Variants in AHI1 observed in about 807,000 individuals in gnomAD.
AHI1 encodes the protein jouberin.
AHI1 carries 123 observed loss-of-function variants against 149.3 expected under a neutral mutation model. The ratio of observed to expected loss-of-function variants is 0.82; its 90% confidence interval spans 0.71 to 0.96. The LOEUF (loss-of-function observed/expected upper bound fraction) is 0.96. AHI1 is among the 40% of genes least tolerant of loss of function. The pLI is 0.00. For missense variants in AHI1, 1,439 were observed against 1,422.7 expected (o/e 1.01, Z -0.18); for synonymous variants, 475 against 459.8 (o/e 1.03, Z -0.42).
At chr6:135,374,085 T>C (rs1366568193) in intron 23 of AHI1, among the ~76,000 whole-genome samples, 6 of 37,926 alleles carry the variant, frequency 1.6e-4, no homozygotes, top group Non-Finnish European at 2.0e-4. Flanking sequence ...TATATACATA[T>C]ATATATATAT....
intron 12 of AHI1, among the ~76,000 whole-genome samples, chr6:135,447,628 C>T (rs1787448741): frequency 1.3e-5 from 2 of 152,128 alleles, no homozygotes; most frequent in African/African-American, 2.4e-5. Flanking sequence ...AGCTACAGAA[C>T]GTGCAAATGA....
intron 25 of AHI1, among the ~76,000 whole-genome samples, chr6:135,320,031 A>G (rs1049773944): frequency 6.6e-6 from 1 of 152,238 alleles, no homozygotes; most frequent in East Asian, 1.9e-4. Flanking sequence ...GGCTTCAGAT[A>G]AAGATCAAGG....
chr6:135,460,248 A>C (rs183011411), intron 8 of AHI1, among the ~76,000 whole-genome samples: 1 of 152,298 alleles, frequency 6.6e-6, no homozygotes, highest in African/African-American at 2.4e-5. Context: ...CACAATGTTA[A>C]AAAATTTTAA....
At chr6:135,311,244 G>T (rs1214537464) in intron 26 of AHI1, among the ~76,000 whole-genome samples, 1 of 145,062 alleles carries the variant, frequency 6.9e-6, no homozygotes, top group African/African-American at 2.6e-5. Context: ...AGAGGTTGCA[G>T]TGAGTTGGGA....
chr6:135,300,943 C>T, intron 26 of AHI1: 1 of 989,004 alleles, frequency 1.0e-6, no homozygotes, highest in Non-Finnish European at 1.2e-6. Flanking sequence ...TTATAGTATA[C>T]TCTATATTTT....
chr6:135,327,377 A>G (rs768135111), intron 24 of AHI1, among the ~76,000 whole-genome samples: 25 of 152,248 alleles, frequency 1.6e-4, no homozygotes, highest in Non-Finnish European at 2.9e-4. Context: ...TACAACCAGC[A>G]TCCTTGGGAG....
intron 5 of AHI1, among the ~76,000 whole-genome samples, chr6:135,468,018 A>C (rs1294941386): frequency 6.6e-6 from 1 of 152,172 alleles, no homozygotes. Context: ...TGATCTTTGA[A>C]ACTCCCCATA....
rs537089941 is a variant in AHI1 at position 135,336,573 on chromosome 6, A to G, written c.3166-13249T>C. Among the ~76,000 whole-genome samples the G allele has an allele frequency of 7.9e-5, 12 of 152,284 alleles. 1 individual carries two copies. The highest frequency in any genetic ancestry group is 1.9e-4 in the East Asian group (1 of 5,180). On this transcript the variant is annotated intron_variant, in intron 24 of 28. Transcript: ENST00000265602. ...AGATCATGCCACTGCACTCCAGCCTAGATGACAAAGTGAGACCCTGCCTTT... is the reference window on the plus strand; with the variant it reads ...AGATCATGCCACTGCACTCCAGCCTGGATGACAAAGTGAGACCCTGCCTTT...
At position 135,457,921 on chromosome 6, in the gene AHI1, C is replaced by G. The variant is rs184521699; in HGVS notation, c.932-208G>C. 1.1e-4 allele frequency among the ~76,000 whole-genome samples: 17 copies of G among 151,988 alleles called. No homozygotes were observed. In the East Asian group the frequency reaches 3.1e-3, roughly 28 times the overall value. ...TACATTACAAATAAGGTGAAAAATC[C>G]TTGTTTATATTTTTCCTAATAAGTA... On this transcript the variant is annotated intron_variant, in intron 8 of 28. Transcript: ENST00000265602.
rs200927282 is a variant in AHI1, at chr6:135,457,612, A to T, written c.1033T>A (p.Leu345Met). ...TCAGTTCGGTGAATGTAAACTCCCAAGACAAGGTCATCATCAAGCAAACAT... is the reference window on the plus strand; with the variant it reads ...TCAGTTCGGTGAATGTAAACTCCCATGACAAGGTCATCATCAAGCAAACAT... The part of the protein sequence containing the change: ...PKCLLDDDLV[L>M]GVYIHRTDRL... The change falls in exon 9 of 29, where the codon TTG (leucine) becomes ATG (methionine). Residue 345 changes from leucine (L) to methionine (M), a missense_variant. Transcript: ENST00000265602. 1.3e-4 allele frequency: 203 copies of T among 1,613,878 alleles called. No individual in the cohort carries two copies. Among genetic ancestry groups the T allele is most frequent in the Non-Finnish European group, 1.5e-4 (182 of 1,179,882 alleles).
At chr6:135,475,266 A>AT (rs1241534253) in intron 5 of AHI1, among the ~76,000 whole-genome samples, 1 of 152,172 alleles carries the variant, frequency 6.6e-6, no homozygotes, top group African/African-American at 2.4e-5. Flanking sequence ...TACAATCCTG[A>AT]TATCGGCAAT....
chr6:135,474,073 G>A (rs1583420611), intron 5 of AHI1, among the ~76,000 whole-genome samples: 1 of 152,126 alleles, frequency 6.6e-6, no homozygotes, highest in Non-Finnish European at 1.5e-5. Flanking sequence ...ACAACTGTAG[G>A]CTAATGTAAA....
At chr6:135,441,454 A>C (rs2128043758) in intron 14 of AHI1, among the ~76,000 whole-genome samples, 1 of 152,306 alleles carries the variant, frequency 6.6e-6, no homozygotes, top group South Asian at 2.1e-4. Flanking sequence ...TGTGAAAAAC[A>C]CTGATCTGCA....
At chr6:135,378,514 T>C (rs1250887422) in intron 23 of AHI1, among the ~76,000 whole-genome samples, 1 of 152,242 alleles carries the variant, frequency 6.6e-6, no homozygotes, top group Non-Finnish European at 1.5e-5. Context: ...ATATATTCTA[T>C]CTGAGGCTAG....
rs764418397 is a variant in AHI1 at position 135,394,771 on chromosome 6, C to T, written c.3109+5G>A. ...AAGAATTGTCAAAGTAAGAAAGGGG[C>T]TCACCGGTCTGAGTGAAACCAAACT... On this transcript the variant is annotated splice_donor_5th_base_variant and intron_variant, in intron 23 of 28. Transcript: ENST00000265602. 2 of 1,609,830 alleles carry T rather than the reference C, an allele frequency of 1.2e-6. No homozygotes were observed. The highest frequency in any genetic ancestry group is 1.7e-6 in the Non-Finnish European group (2 of 1,177,688).
intron 2 of AHI1, among the ~76,000 whole-genome samples, chr6:135,496,666 T>C (rs1356479874): frequency 1.3e-5 from 2 of 152,200 alleles, no homozygotes; most frequent in Non-Finnish European, 1.5e-5. Flanking sequence ...TCAGCCAATA[T>C]GTGGCTCAAT....
intron 23 of AHI1, among the ~76,000 whole-genome samples, chr6:135,382,300 T>C (rs1776874008): frequency 6.6e-6 from 1 of 152,226 alleles, no homozygotes; most frequent in South Asian, 2.1e-4. Context: ...CAGTGATTCT[T>C]TACATTTTCA....
At chr6:135,292,310 T>G (rs1419687553) in intron 27 of AHI1, among the ~76,000 whole-genome samples, 1 of 152,206 alleles carries the variant, frequency 6.6e-6, no homozygotes, top group Non-Finnish European at 1.5e-5. Flanking sequence ...CTCTGACCAC[T>G]AAAGCCCACT....
At chr6:135,388,819 C>T (rs1777994452) in intron 23 of AHI1, among the ~76,000 whole-genome samples, 1 of 151,036 alleles carries the variant, frequency 6.6e-6, no homozygotes, top group East Asian at 1.9e-4. Context: ...CAAGACCAGC[C>T]TGGTCAACAC....
Sources: gnomAD v4.1 joint callset for allele counts (sites outside exome capture counted in the v4.1 genomes callset) on GRCh38, gnomAD v4.1.1 for gene constraint, MANE v1.5 for transcripts, NCBI Gene and HGNC (gene_info 2026-07-23, HGNC 2026-07-21) for gene names.